RBPJ: variants seen among roughly 807,000 people sequenced by gnomAD.
RBPJ encodes the protein recombining binding protein suppressor of hairless.
Under a neutral mutation model 67.8 loss-of-function variants are expected in RBPJ, and 9 were observed. That is an observed-to-expected ratio of 0.13 (90% CI 0.08 to 0.23). The LOEUF is 0.23. Ranked by LOEUF, RBPJ falls within the 10% of genes least tolerant of loss-of-function variation. The pLI is 1.00. For missense variants in RBPJ, 305 were observed against 595.6 expected (o/e 0.51, Z 5.08); for synonymous variants, 198 against 203.3 (o/e 0.97, Z 0.22).
At chr4:26,336,016 A>C (rs1309331028) in intron 1 of RBPJ, among the ~76,000 whole-genome samples, 1 of 152,072 alleles carries the variant, frequency 6.6e-6, no homozygotes, top group African/African-American at 2.4e-5. Context: ...TTTTGTTGTA[A>C]ATGGTGCCCA....
chr4:26,356,374 A>T (rs1360012133), intron 1 of RBPJ, among the ~76,000 whole-genome samples: 1 of 152,200 alleles, frequency 6.6e-6, no homozygotes, highest in Non-Finnish European at 1.5e-5. Flanking sequence ...AGATCAGGCC[A>T]AATAGACTGG....
chr4:26,106,662 G>C, the RBPJ span, among the ~76,000 whole-genome samples: 1 of 152,154 alleles, frequency 6.6e-6, no homozygotes, highest in Non-Finnish European at 1.5e-5. Flanking sequence ...TCGCTGTTTT[G>C]TAGTATGCCT....
At chr4:26,133,002 G>C in the RBPJ span, among the ~76,000 whole-genome samples, 1 of 152,194 alleles carries the variant, frequency 6.6e-6, no homozygotes, top group African/African-American at 2.4e-5. Context: ...GGTTCCATGA[G>C]CCTTCCTACG....
At chr4:26,282,081 A>G (rs963025977) in intron 1 of RBPJ, among the ~76,000 whole-genome samples, 1 of 151,446 alleles carries the variant, frequency 6.6e-6, no homozygotes, top group African/African-American at 2.4e-5. Flanking sequence ...TCAGTTTCTC[A>G]AGGGATTCTA....
intron 1 of RBPJ, among the ~76,000 whole-genome samples, chr4:26,191,722 T>G (rs1481940441): frequency 1.3e-5 from 2 of 152,194 alleles, no homozygotes; most frequent in African/African-American, 4.8e-5. Context: ...AGAGACTTAG[T>G]ATCCAGGGTT....
At chr4:26,407,593 C>A (rs1228387928) in intron 3 of RBPJ, among the ~76,000 whole-genome samples, 1 of 152,046 alleles carries the variant, frequency 6.6e-6, no homozygotes, top group Non-Finnish European at 1.5e-5. Flanking sequence ...TTTGGTTAAG[C>A]ATTCCATGGA....
At chr4:26,395,984 T>C (rs1251644542) in intron 2 of RBPJ, among the ~76,000 whole-genome samples, 1 of 152,226 alleles carries the variant, frequency 6.6e-6, no homozygotes, top group Non-Finnish European at 1.5e-5. Flanking sequence ...CTGTGCCTGT[T>C]TCTCTTTATG....
At chr4:26,144,879 C>G in the RBPJ span, among the ~76,000 whole-genome samples, 1 of 152,194 alleles carries the variant, frequency 6.6e-6, no homozygotes, top group African/African-American at 2.4e-5. Context: ...GATTTCTTCA[C>G]TCTTTTATAT....
At chr4:26,118,638 G>C in the RBPJ span, among the ~76,000 whole-genome samples, 1 of 152,200 alleles carries the variant, frequency 6.6e-6, no homozygotes, top group Non-Finnish European at 1.5e-5. Flanking sequence ...TGGAGTAATT[G>C]ATTGGTCATT....
the RBPJ span, among the ~76,000 whole-genome samples, chr4:26,157,099 AAAAACAAAC>A: frequency 4.2e-4 from 14 of 32,988 alleles, no homozygotes; most frequent in African/African-American, 6.7e-4. Flanking sequence ...ACAAACAAAC[AAAAACAAAC>A]AAACAAACAA....
intron 1 of RBPJ, among the ~76,000 whole-genome samples, chr4:26,259,822 C>T (rs1720469205): frequency 6.6e-6 from 1 of 152,326 alleles, no homozygotes; most frequent in Non-Finnish European, 1.5e-5. Flanking sequence ...CTGCAGATTT[C>T]ATCTTCAGTA....
At chr4:26,156,462 A>G in the RBPJ span, among the ~76,000 whole-genome samples, 1 of 120,262 alleles carries the variant, frequency 8.3e-6, no homozygotes, top group Non-Finnish European at 1.6e-5. Context: ...TCTGTAACCC[A>G]GGCTGGAGTA....
chr4:26,203,445 C>G (rs1718061640), intron 1 of RBPJ, among the ~76,000 whole-genome samples: 1 of 152,182 alleles, frequency 6.6e-6, no homozygotes, highest in African/African-American at 2.4e-5. Flanking sequence ...CTCTCTGTCC[C>G]TTTGCCAGCT....
chr4:26,380,477 T>C (rs1220641306), intron 1 of RBPJ, among the ~76,000 whole-genome samples: 3 of 152,224 alleles, frequency 2.0e-5, no homozygotes, highest in South Asian at 2.1e-4. Context: ...GAGCCTGTTA[T>C]GTATTTTTTT....
the RBPJ span, among the ~76,000 whole-genome samples, chr4:26,105,596 T>C: frequency 8.5e-5 from 13 of 152,270 alleles, 1 homozygote; most frequent in East Asian, 2.5e-3. Flanking sequence ...TTCCAGTATT[T>C]CCTGTTTCCA....
the RBPJ span, chr4:26,112,807 T>G: frequency 1.4e-5 from 2 of 142,888 alleles, no homozygotes; most frequent in African/African-American, 5.3e-5. Flanking sequence ...TTGCCCAGGC[T>G]GGAGTGTAGC....
chr4:26,126,457 C>T, the RBPJ span, among the ~76,000 whole-genome samples: 14 of 152,218 alleles, frequency 9.2e-5, no homozygotes, highest in African/African-American at 3.4e-4. Context: ...TTTTCCATTT[C>T]TGGTACGGCA....
At chr4:26,421,060 G>T (rs549736701) in intron 5 of RBPJ, among the ~76,000 whole-genome samples, 19 of 152,128 alleles carry the variant, frequency 1.2e-4, no homozygotes, top group African/African-American at 4.6e-4. Flanking sequence ...AGTGTCCAAG[G>T]TAGTTCCCAT....
intron 1 of RBPJ, among the ~76,000 whole-genome samples, chr4:26,210,678 C>CTT: frequency 2.4e-5 from 1 of 41,590 alleles, no homozygotes; most frequent in South Asian, 9.7e-4. Flanking sequence ...TTCTTTCTTT[C>CTT]TTTCTTTCCT....
Sources: allele counts gnomAD v4.1 joint callset (sites outside exome capture counted in the v4.1 genomes callset), GRCh38; gene constraint gnomAD v4.1.1; transcripts MANE v1.5; gene names NCBI Gene and HGNC (gene_info 2026-07-23, HGNC 2026-07-21).